NPIPB2: variants seen among roughly 807,000 people sequenced by gnomAD.
NPIPB2 encodes nuclear pore complex-interacting protein family member B2.
Under a neutral mutation model 30.8 loss-of-function variants are expected in NPIPB2, and 27 were observed. The observed-to-expected ratio is 0.88, with a 90% CI of 0.65 to 1.21. NPIPB2 has a LOEUF of 1.21. NPIPB2 is among the 50% of genes most tolerant of loss of function. The pLI is 0.00. For synonymous variants in NPIPB2, 147 were observed against 162.0 expected, an observed-to-expected ratio of 0.91 and a Z score of 0.70; for missense variants, 440 against 446.2, an observed-to-expected ratio of 0.99 and a Z score of 0.13.
intron 1 of NPIPB2, among the ~76,000 whole-genome samples, chr16:11,960,853 AT>A (rs754790093): frequency 8.2e-5 from 12 of 147,098 alleles, no homozygotes; most frequent in Non-Finnish European, 1.5e-4. Context: ...GTTATGGGAG[AT>A]TTTTTTTTCT....
chr16:11,967,856 T>A, intron 1 of NPIPB2: 1 of 1,611,370 alleles, frequency 6.2e-7, no homozygotes, highest in Non-Finnish European at 8.5e-7. Flanking sequence ...AATTAACCAT[T>A]TCGACTCGAG....
intron 4 of NPIPB2, among the ~76,000 whole-genome samples, chr16:11,932,552 C>T (rs1474199594): frequency 5.3e-5 from 8 of 150,578 alleles, no homozygotes; most frequent in Admixed American, 2.7e-4. Flanking sequence ...CCGAGGTGTG[C>T]GGATCATGAT....
intron 1 of NPIPB2, chr16:11,967,946 A>G (rs2055209077): frequency 7.3e-7 from 1 of 1,377,998 alleles, no homozygotes; most frequent in Non-Finnish European, 9.8e-7. Context: ...TCAGTTGCCG[A>G]TACAGCTTTT....
chr16:11,938,779 TG>T (rs2054901042), intron 1 of NPIPB2, among the ~76,000 whole-genome samples: 1 of 152,030 alleles, frequency 6.6e-6, no homozygotes, highest in African/African-American at 2.4e-5. Flanking sequence ...GACAAAGTTT[TG>T]CTCTGTCACC....
At chr16:11,954,112 T>A (rs2055090634) in intron 1 of NPIPB2, among the ~76,000 whole-genome samples, 1 of 152,146 alleles carries the variant, frequency 6.6e-6, no homozygotes, top group African/African-American at 2.4e-5. Context: ...TTTTTGCAGT[T>A]AAAAACCCAG....
chr16:11,968,919 T>C (rs2055217408), intron 1 of NPIPB2, among the ~76,000 whole-genome samples: 1 of 151,348 alleles, frequency 6.6e-6, no homozygotes. Context: ...CAGGCTGGAG[T>C]GCAGTGGCAT....
Position 11,967,602 on chromosome 16 carries a change from C to T in NPIPB2, c.-584+8966G>A, listed in dbSNP as rs753629123. On this transcript the variant is annotated intron_variant, in intron 1 of 5. Transcript: ENST00000538896. ...TCTCCTGGGCATGGCTAACATTGAC[C>T]TGGAAAAGAGCAGGACTGGTGATGA... 2.2e-5 allele frequency: 35 copies of T among 1,613,806 alleles called. No homozygotes were observed. The East Asian group carries it at 6.5e-4, about 30-fold the overall frequency.
chr16:11,962,224 G>C (rs1383446809), intron 1 of NPIPB2, among the ~76,000 whole-genome samples: 2 of 149,978 alleles, frequency 1.3e-5, no homozygotes, highest in Admixed American at 6.7e-5. Context: ...AAAAAGGCTG[G>C]GTGCGGTGGC....
exon 8 of NPIPB2, chr16:11,927,858 G>A: frequency 8.0e-7 from 1 of 1,244,494 alleles, no homozygotes; most frequent in Non-Finnish European, 1.1e-6. Context: ...GAATGACGAT[G>A]CTCCGCTGCC....
At chr16:11,959,907 C>T (rs1375043883) in intron 1 of NPIPB2, among the ~76,000 whole-genome samples, 1 of 152,160 alleles carries the variant, frequency 6.6e-6, no homozygotes, top group African/African-American at 2.4e-5. Flanking sequence ...TCCTGAGCAG[C>T]TGGGACCACA....
intron 1 of NPIPB2, among the ~76,000 whole-genome samples, chr16:11,958,842 G>A (rs1446533590): frequency 6.6e-6 from 1 of 152,230 alleles, no homozygotes; most frequent in Non-Finnish European, 1.5e-5. Context: ...CCATGGGTGA[G>A]TGTTACGGGA....
upstream of NPIPB2, among the ~76,000 whole-genome samples, chr16:11,946,290 CAGG>C (rs957999211): frequency 4.8e-5 from 7 of 145,090 alleles, no homozygotes; most frequent in Non-Finnish European, 8.9e-5. Flanking sequence ...GAGGCTGAGG[CAGG>C]AGAATTGCTT....
chr16:11,956,768 G>C (rs1293971217), intron 1 of NPIPB2, among the ~76,000 whole-genome samples: 1 of 152,206 alleles, frequency 6.6e-6, no homozygotes, highest in South Asian at 2.1e-4. Flanking sequence ...ATTGGAACCA[G>C]GCTTCTTGAG....
In NPIPB2 at chr16:11,967,847, A is replaced by G. The variant is rs772643010; in HGVS notation, c.-584+8721T>C. On this transcript the variant is annotated intron_variant, in intron 1 of 5. Coordinates refer to the NPIPB2 transcript ENST00000538896. ...TAGAGAAATCAATTTCTGCTAGGTA[A>G]TTAACCATTTCGACTCGAGCAGTGC... 4.3e-6 allele frequency: 7 copies of G among 1,612,604 alleles called. No homozygotes were observed. In the East Asian group the frequency reaches 8.9e-5, roughly 21 times the overall value.
At chr16:11,976,549 C>A in intron 1 of NPIPB2, 1 of 357,196 alleles carries the variant, frequency 2.8e-6, no homozygotes, top group Non-Finnish European at 5.0e-6. Flanking sequence ...GACGCCTCCT[C>A]GCGGGGTCTC....
chr16:11,954,553 A>T (rs181338134), intron 1 of NPIPB2, among the ~76,000 whole-genome samples: 9 of 151,956 alleles, frequency 5.9e-5, no homozygotes, highest in South Asian at 2.1e-4. Flanking sequence ...GAGAAATAAA[A>T]TTTTTTTTAA....
rs776890616 is a variant in NPIPB2 at position 11,927,411 on chromosome 16, A to ACCTC, written c.1152_1155dup (p.Leu386GlufsTer4). On this transcript the variant is annotated frameshift_variant, in exon 8 of 8. Coordinates refer to ENST00000399147, the Ensembl canonical transcript of NPIPB2. LOFTEE classifies it high-confidence loss of function. ...CAATGGCCTGTTCTCAGCTTACTCA[A>ACCTC]CCTCCGCCTCTTGGGCTCGGGTGAT... 1.9e-6 allele frequency: 2 copies of ACCTC among 1,040,806 alleles called. No individual in the cohort carries two copies. The highest frequency in any genetic ancestry group is 3.3e-5 in the African/African-American group (2 of 61,206). The allele number at this position is 1,040,806 out of a possible 1,614,324, so 64.5% of individuals were successfully genotyped here. A position where few individuals can be genotyped will look rare whatever the true frequency, so the allele number is the denominator to read the frequency against.
chr16:11,960,210 A>G (rs1031845137), intron 1 of NPIPB2, among the ~76,000 whole-genome samples: 4 of 152,312 alleles, frequency 2.6e-5, no homozygotes, highest in Admixed American at 2.0e-4. Flanking sequence ...TCTTATGAAT[A>G]GATGTGATGT....
intron 1 of NPIPB2, among the ~76,000 whole-genome samples, chr16:11,949,656 GC>G (rs1434271351): frequency 6.6e-5 from 10 of 152,180 alleles, no homozygotes; most frequent in African/African-American, 2.4e-4. Flanking sequence ...CCAAGCCCTG[GC>G]CAGTCTCCTC....
Sources: gnomAD v4.1 joint callset for allele counts (sites outside exome capture counted in the v4.1 genomes callset) on GRCh38, gnomAD v4.1.1 for gene constraint, MANE v1.5 for transcripts, NCBI Gene and HGNC (gene_info 2026-07-23, HGNC 2026-07-21) for gene names.